The following RNF185 variants were observed in gnomAD, a reference collection of about 807,000 sequenced individuals.
RNF185 encodes the protein ring finger protein 185, also known as E3 ubiquitin-protein ligase RNF185.
Under a neutral mutation model 24.9 loss-of-function variants are expected in RNF185, and 13 were observed. The observed-to-expected ratio is 0.52, with a 90% CI of 0.34 to 0.83. The LOEUF (loss-of-function observed/expected upper bound fraction) is 0.83. Among genes scored for constraint, RNF185 ranks in the 40% least tolerant of loss-of-function variants. RNF185 has a pLI of 0.01. For synonymous variants in RNF185, 79 were observed against 90.3 expected (o/e 0.88, Z 0.71); for missense variants, 184 against 244.7 (o/e 0.75, Z 1.65).
At chr22:31,168,805 T>C (rs540132881) in intron 1 of RNF185, among the ~76,000 whole-genome samples, 13 of 152,344 alleles carry the variant, frequency 8.5e-5, no homozygotes, top group African/African-American at 3.1e-4. Context: ...TCCCTGATGA[T>C]TAGTGATGTT....
At chr22:31,196,738 G>A (rs1458500650) in intron 4 of RNF185, among the ~76,000 whole-genome samples, 198 bp from the exon 5 acceptor site, 1 of 152,136 alleles carries the variant, frequency 6.6e-6, no homozygotes, top group Non-Finnish European at 1.5e-5. Flanking sequence ...TTTTCTCCCT[G>A]GTTCTCTATA....
At chr22:31,173,773 A>G (rs766143413) in intron 1 of RNF185, among the ~76,000 whole-genome samples, 20 of 152,226 alleles carry the variant, frequency 1.3e-4, no homozygotes, top group Non-Finnish European at 2.5e-4. Flanking sequence ...GATAAGAAAT[A>G]TAACAAGTGT....
At chr22:31,174,553 AT>A (rs916447513) in intron 1 of RNF185, among the ~76,000 whole-genome samples, 1 of 151,720 alleles carries the variant, frequency 6.6e-6, no homozygotes, top group Admixed American at 6.6e-5. Flanking sequence ...CTAATTTTAA[AT>A]TTTTTTGGTG....
At chr22:31,196,168 T>C (rs62237404) in intron 4 of RNF185, among the ~76,000 whole-genome samples, 13,088 of 152,160 alleles carry the variant, frequency 0.086, 862 homozygotes, top group East Asian at 0.4. Context: ...TCTGCCTTCT[T>C]CCCTCCCCAG....
In RNF185 at chr22:31,192,448, T is replaced by C. The variant is rs182398875; in HGVS notation, c.177-236T>C. On this transcript the variant is annotated intron_variant, in intron 2 of 6. Transcript: ENST00000326132. The stretch of plus-strand genomic sequence containing the variant: ...ATCTCAGGGGCAGAGGCTGGGGTCT[T>C]ATCTCCATTGCGTTATTTATTTTCT... 3.9e-5 allele frequency among the ~76,000 whole-genome samples: 6 copies of C among 152,252 alleles called. No individual in the cohort carries two copies. In the East Asian group the frequency reaches 1.2e-3, roughly 29 times the overall value.
chr22:31,203,622 T>G (rs2048284322), intron 6 of RNF185, among the ~76,000 whole-genome samples: 1 of 152,250 alleles, frequency 6.6e-6, no homozygotes, highest in Admixed American at 6.5e-5. Flanking sequence ...GAGTTTCCTG[T>G]TAATCACCTG....
At chr22:31,176,204 G>C (rs370762516) in intron 1 of RNF185, among the ~76,000 whole-genome samples, 6 of 151,708 alleles carry the variant, frequency 4.0e-5, no homozygotes, top group Admixed American at 3.9e-4. Flanking sequence ...CTCTTTTTTT[G>C]GTATCTTTTT....
At chr22:31,166,794 T>A (rs1923952737) in intron 1 of RNF185, among the ~76,000 whole-genome samples, 2 of 151,980 alleles carry the variant, frequency 1.3e-5, no homozygotes, top group South Asian at 4.2e-4. Context: ...GGATTATAGG[T>A]GCCTGCCACC....
At chr22:31,167,610 CTTTTT>C (rs150121453) in intron 1 of RNF185, among the ~76,000 whole-genome samples, 3 of 107,362 alleles carry the variant, frequency 2.8e-5, no homozygotes, top group Non-Finnish European at 5.3e-5. Flanking sequence ...GGGTTTTTTC[CTTTTT>C]TTTTTTTTTT....
At chr22:31,162,766 C>CTTTT (rs71319163) in intron 1 of RNF185, among the ~76,000 whole-genome samples, 1 of 134,450 alleles carries the variant, frequency 7.4e-6, no homozygotes, top group Admixed American at 7.8e-5. Flanking sequence ...ATTTTTCTTT[C>CTTTT]TTTTTTTTTT....
chr22:31,180,913 C>G (rs9621210), intron 1 of RNF185, among the ~76,000 whole-genome samples: 7,149 of 60,388 alleles, frequency 0.12, 210 homozygotes, highest in East Asian at 0.26. Context: ...TTCTCTCTCT[C>G]TCTGTGTGTG....
chr22:31,197,873 G>A (rs1436124289), intron 5 of RNF185, among the ~76,000 whole-genome samples: 1 of 152,048 alleles, frequency 6.6e-6, no homozygotes, highest in African/African-American at 2.4e-5. Context: ...GTGAACCACT[G>A]TACCTGGCTT....
At chr22:31,166,371 A>G (rs1337617269) in intron 1 of RNF185, among the ~76,000 whole-genome samples, 2 of 152,168 alleles carry the variant, frequency 1.3e-5, no homozygotes, top group East Asian at 1.9e-4. Context: ...TCTAGTATCT[A>G]GAGAACCTTT....
At position 31,168,367 on chromosome 22, in the gene RNF185, C is replaced by T. The variant is rs147499380; in HGVS notation, c.-49+8064C>T. Among the ~76,000 whole-genome samples the T allele has an allele frequency of 1.4e-3, 214 of 152,270 alleles. 1 individual carries two copies. Among genetic ancestry groups the T allele is most frequent in the Non-Finnish European group, 2.5e-3 (167 of 68,026 alleles). On this transcript the variant is annotated intron_variant, in intron 1 of 6. Transcript: ENST00000326132. The stretch of plus-strand genomic sequence containing the variant: ...GACTTACTTCACCTAACATGATGTT[C>T]TTGAGGTTCATTTATGTTGTAGCAT...
chr22:31,204,047 GAA>G (rs34570885), intron 6 of RNF185, among the ~76,000 whole-genome samples: 144 of 112,032 alleles, frequency 1.3e-3, no homozygotes, highest in Middle Eastern at 4.8e-3. Context: ...ACCTCAAAAA[GAA>G]AAAAAAAAAA....
chr22:31,169,375 T>G (rs186658401), intron 1 of RNF185, among the ~76,000 whole-genome samples: 6 of 152,338 alleles, frequency 3.9e-5, no homozygotes, highest in African/African-American at 1.4e-4. Context: ...TTTTTAAATT[T>G]TTATGAAATC....
Position 31,201,528 on chromosome 22 carries a change from G to A in RNF185, c.394G>A (p.Gly132Ser), listed in dbSNP as rs1207296197. The A allele has an allele frequency of 6.2e-7, 1 of 1,611,902 alleles. No homozygotes were observed. The highest frequency in any genetic ancestry group is 8.5e-7 in the Non-Finnish European group (1 of 1,179,676). ...GFQGFGFGDG[G>S]FQMSFGIGAF... Reference sequence around the variant, plus strand: ...TCAAGGATTTGGATTTGGAGATGGTGGCTTCCAGATGTCTTTTGGAATTGG... The same window carrying A: ...TCAAGGATTTGGATTTGGAGATGGTAGCTTCCAGATGTCTTTTGGAATTGG... The change falls in exon 6 of 7, where the codon GGC becomes AGC. Residue 132 changes from glycine (G) to serine (S), a missense_variant. Gly to Ser is a moderately conservative substitution (Grantham distance 56). Coordinates refer to ENST00000326132, the MANE Select transcript of RNF185 (RefSeq NM_152267.4).
chr22:31,193,371 G>A (rs2048173828), intron 3 of RNF185, among the ~76,000 whole-genome samples: 1 of 152,156 alleles, frequency 6.6e-6, no homozygotes, highest in South Asian at 2.1e-4. Flanking sequence ...TATTGACTAT[G>A]AGTTTATGAA....
At chr22:31,168,087 T>A (rs1924045789) in intron 1 of RNF185, among the ~76,000 whole-genome samples, 1 of 152,222 alleles carries the variant, frequency 6.6e-6, no homozygotes, top group South Asian at 2.1e-4. Context: ...AAACAATAAC[T>A]CCCTATTTCT....
Sources: gnomAD v4.1 joint callset for allele counts (sites outside exome capture counted in the v4.1 genomes callset) on GRCh38, gnomAD v4.1.1 for gene constraint, MANE v1.5 for transcripts, NCBI Gene and HGNC (gene_info 2026-07-23, HGNC 2026-07-21) for gene names.